Variants in GLRA2 observed in about 807,000 individuals in gnomAD.
GLRA2 encodes glycine receptor subunit alpha-2.
Under a neutral mutation model 31.6 loss-of-function variants are expected in GLRA2, and 11 were observed. The ratio of observed to expected loss-of-function variants is 0.35; its 90% confidence interval spans 0.22 to 0.58. GLRA2 has a LOEUF of 0.58. Ranked by LOEUF, GLRA2 falls within the 20% of genes least tolerant of loss-of-function variation. The pLI, the probability that GLRA2 is intolerant of heterozygous loss-of-function variation, is 0.84. For synonymous variants in GLRA2, 132 were observed against 134.0 expected (o/e 0.99, Z 0.10); for missense variants, 212 against 351.8 (o/e 0.60, Z 3.18).
intron 7 of GLRA2, among the ~76,000 whole-genome samples, chrX:14,638,496 A>ATAT (rs973337504): frequency 1.8e-5 from 2 of 111,328 alleles, no homozygotes; most frequent in Non-Finnish European, 1.9e-5. Flanking sequence ...TAATAATGAA[A>ATAT]TATTATTTTT....
intron 2 of GLRA2, among the ~76,000 whole-genome samples, chrX:14,547,255 T>G (rs2089494624): frequency 9.0e-6 from 1 of 111,141 alleles, no homozygotes; most frequent in African/African-American, 3.3e-5. Context: ...TGCCTATATC[T>G]TTATCTGAAT....
intron 8 of GLRA2, among the ~76,000 whole-genome samples, chrX:14,698,929 T>C (rs1264449718): frequency 1.8e-5 from 2 of 111,255 alleles, no homozygotes; most frequent in East Asian, 5.7e-4. Flanking sequence ...TGGTATTTAC[T>C]GAGCAATCAA....
upstream of GLRA2, among the ~76,000 whole-genome samples, chrX:14,527,389 G>A (rs2089191740): frequency 9.0e-6 from 1 of 111,728 alleles, no homozygotes; most frequent in Admixed American, 9.5e-5. Context: ...GGCTGAGGTG[G>A]GCGAATCACA....
At chrX:14,626,041 G>C (rs753817212) in intron 7 of GLRA2, among the ~76,000 whole-genome samples, 98 of 112,127 alleles carry the variant, frequency 8.7e-4, no homozygotes, top group African/African-American at 3.1e-3. Context: ...ACTTTTCATA[G>C]TGAACAATTA....
chrX:14,519,639 C>A, the GLRA2 span, among the ~76,000 whole-genome samples: 1 of 111,957 alleles, frequency 8.9e-6, no homozygotes, highest in Non-Finnish European at 1.9e-5. Flanking sequence ...ACCTGCAAGG[C>A]TAAGAACCAG....
At chrX:14,462,595 T>C in the GLRA2 span, among the ~76,000 whole-genome samples, 1 of 111,814 alleles carries the variant, frequency 8.9e-6, no homozygotes, top group Non-Finnish European at 1.9e-5. Flanking sequence ...ATTTCATTAA[T>C]TTGATCTTCA....
At chrX:14,663,228 C>T (rs952651050) in intron 7 of GLRA2, among the ~76,000 whole-genome samples, 1 of 111,332 alleles carries the variant, frequency 9.0e-6, no homozygotes, top group Non-Finnish European at 1.9e-5. Context: ...CCCCATTAAA[C>T]ATAGTTTTGG....
At chrX:14,721,587 T>G (rs2091865814) in intron 8 of GLRA2, among the ~76,000 whole-genome samples, 1 of 111,829 alleles carries the variant, frequency 8.9e-6, no homozygotes, top group Admixed American at 9.5e-5. Flanking sequence ...ATTGCCTGTC[T>G]GAAAGAGCTT....
intron 7 of GLRA2, among the ~76,000 whole-genome samples, chrX:14,611,473 G>C (rs766612963): frequency 8.8e-6 from 1 of 113,054 alleles, no homozygotes; most frequent in East Asian, 2.8e-4. Flanking sequence ...TGCACACACA[G>C]AAAATTGAGG....
intron 2 of GLRA2, among the ~76,000 whole-genome samples, chrX:14,535,322 C>T (rs1447534951): frequency 8.9e-6 from 1 of 112,126 alleles, no homozygotes; most frequent in Non-Finnish European, 1.9e-5. Flanking sequence ...TGTATACTTT[C>T]AAGTCAGTAA....
the GLRA2 span, among the ~76,000 whole-genome samples, chrX:14,481,750 C>A: frequency 9.1e-6 from 1 of 110,038 alleles, no homozygotes; most frequent in Non-Finnish European, 1.9e-5. Flanking sequence ...TACTTCAGAT[C>A]CTGAAGAGTG....
rs550391819 is a variant in GLRA2, at chrX:14,669,724, A to G, written c.931-20986A>G. Among the ~76,000 whole-genome samples, 6 of 111,648 alleles carry G rather than the reference A, an allele frequency of 5.4e-5. No individual in the cohort carries two copies. In the South Asian group the frequency reaches 1.5e-3, roughly 28 times the overall value. On this transcript the variant is annotated intron_variant, in intron 7 of 8. Coordinates refer to ENST00000218075, the MANE Select transcript of GLRA2 (RefSeq NM_002063.4). ...CCAAGTCCCAAGGCTGCATGCTGCA[A>G]ACAGCACAGGGACCCCAGGCCCAAC...
At chrX:14,502,000 A>G in the GLRA2 span, among the ~76,000 whole-genome samples, 1 of 111,273 alleles carries the variant, frequency 9.0e-6, no homozygotes, top group Non-Finnish European at 1.9e-5. Flanking sequence ...GATACCTGTC[A>G]TATTGAACTA....
the GLRA2 span, among the ~76,000 whole-genome samples, chrX:14,466,929 A>T: frequency 1.8e-5 from 2 of 111,807 alleles, no homozygotes; most frequent in Non-Finnish European, 3.8e-5. Flanking sequence ...ATGGTTCCAC[A>T]TGGGGAAATG....
At chrX:14,583,566 G>A (rs1298116008) in intron 4 of GLRA2, among the ~76,000 whole-genome samples, 3 of 111,388 alleles carry the variant, frequency 2.7e-5, no homozygotes, top group African/African-American at 9.8e-5. Flanking sequence ...GTGAAACCCC[G>A]TCTCTACTAA....
the GLRA2 span, among the ~76,000 whole-genome samples, chrX:14,474,169 A>G: frequency 8.9e-6 from 1 of 111,918 alleles, no homozygotes; most frequent in Non-Finnish European, 1.9e-5. Context: ...TATATTGACT[A>G]GGTCTGATCT....
intron 7 of GLRA2, among the ~76,000 whole-genome samples, chrX:14,666,707 CTACT>C (rs1366828113): frequency 8.9e-6 from 1 of 111,847 alleles, no homozygotes; most frequent in African/African-American, 3.2e-5. Context: ...AAAGCACTAC[CTACT>C]TGTTATTTCA....
the GLRA2 span, among the ~76,000 whole-genome samples, chrX:14,492,393 T>G: frequency 9.0e-6 from 1 of 111,473 alleles, no homozygotes; most frequent in African/African-American, 3.3e-5. Context: ...TATTGAGAAC[T>G]TCTGGCTGAC....
chrX:14,589,754 GTATATATGTA>G (rs1047208355), intron 4 of GLRA2, among the ~76,000 whole-genome samples: 14 of 105,618 alleles, frequency 1.3e-4, no homozygotes, highest in East Asian at 2.9e-4. Context: ...ATATATGTGT[GTATATATGTA>G]TATATATGTA....
Sources: gnomAD v4.1 joint callset for allele counts (sites outside exome capture counted in the v4.1 genomes callset) on GRCh38, gnomAD v4.1.1 for gene constraint, MANE v1.5 for transcripts, NCBI Gene and HGNC (gene_info 2026-07-23, HGNC 2026-07-21) for gene names.